WNT3A: variants seen among roughly 807,000 people sequenced by gnomAD.
WNT3A encodes Wnt family member 3A.
Under a neutral mutation model 37.0 loss-of-function variants are expected in WNT3A, and 17 were observed. That is an observed-to-expected ratio of 0.46 (90% CI 0.31 to 0.69). The LOEUF (loss-of-function observed/expected upper bound fraction) is 0.69. Among genes scored for constraint, WNT3A ranks in the 30% least tolerant of loss-of-function variants. The pLI, the probability that WNT3A is intolerant of heterozygous loss-of-function variation, is 0.05. For missense variants in WNT3A, 411 were observed against 510.2 expected, an observed-to-expected ratio of 0.81 and a Z score of 1.87; for synonymous variants, 187 against 211.0, an observed-to-expected ratio of 0.89 and a Z score of 0.99.
intron 1 of WNT3A, among the ~76,000 whole-genome samples, chr1:228,014,538 A>G (rs554477745): frequency 1.3e-5 from 2 of 152,366 alleles, no homozygotes; most frequent in South Asian, 4.1e-4. Context: ...TTGCACAGGA[A>G]CAGTGGAGGC....
rs1193177657 is a variant in WNT3A, at chr1:228,007,420, C to G, written c.71+221C>G. Among the ~76,000 whole-genome samples the G allele has an allele frequency of 6.6e-6, 1 of 152,018 alleles. No individual in the cohort carries two copies. Among genetic ancestry groups the G allele is most frequent in the East Asian group, 1.9e-4 (1 of 5,146 alleles). On this transcript the variant is annotated intron_variant, in intron 1 of 3. Coordinates refer to ENST00000284523, the MANE Select transcript of WNT3A (RefSeq NM_033131.4). The surrounding 1 kb of genome is among the most constrained non-coding windows in gnomAD (Gnocchi z 6.0). ...GTTTCCGGAGACATTGATTCCCGAG[C>G]GGGGGAGTAGGGGAGGTTGCGGAGG...
chr1:228,018,493 A>G (rs2030595393), intron 1 of WNT3A, among the ~76,000 whole-genome samples: 1 of 151,916 alleles, frequency 6.6e-6, no homozygotes, highest in African/African-American at 2.4e-5. Flanking sequence ...CCTGGGCTCA[A>G]GTGATCCTCC....
chr1:228,050,539 A>G lies in WNT3A; in HGVS notation c.314-117A>G. On this transcript the variant is annotated intron_variant, in intron 2 of 3. Transcript: ENST00000284523. The surrounding 1 kb of genome is among the most constrained non-coding windows in gnomAD (Gnocchi z 5.0). Reference sequence around the variant, plus strand: ...CCAAGTAAGCCTCTTTGCCTTATACACCACCCAACCTCACGAGTTCCTTTA... The same window carrying G: ...CCAAGTAAGCCTCTTTGCCTTATACGCCACCCAACCTCACGAGTTCCTTTA... 1 of 1,325,588 alleles carries G rather than the reference A, an allele frequency of 7.5e-7. No individual in the cohort carries two copies. Among genetic ancestry groups the G allele is most frequent in the Non-Finnish European group, 1.0e-6 (1 of 995,778 alleles). The allele number at this position is 1,325,588 out of a possible 1,614,324, so 82.1% of individuals were successfully genotyped here. A position where few individuals can be genotyped will look rare whatever the true frequency, so the allele number is the denominator to read the frequency against.
chr1:228,027,525 AG>A (rs1224134478), intron 2 of WNT3A, among the ~76,000 whole-genome samples: 1 of 152,218 alleles, frequency 6.6e-6, no homozygotes, highest in Non-Finnish European at 1.5e-5. Flanking sequence ...CCTCATGATT[AG>A]TGATGTTGAG....
intron 1 of WNT3A, among the ~76,000 whole-genome samples, chr1:228,013,593 A>G (rs2030440458): frequency 6.6e-6 from 1 of 152,072 alleles, no homozygotes; most frequent in Admixed American, 6.5e-5. Context: ...GGCAGCCTGG[A>G]CTGGGAAGGG....
chr1:228,043,924 T>G (rs1424636962), intron 2 of WNT3A, among the ~76,000 whole-genome samples: 3 of 152,148 alleles, frequency 2.0e-5, no homozygotes, highest in Non-Finnish European at 2.9e-5. Flanking sequence ...TTGGACATTC[T>G]GGGGGGTCTT....
At chr1:228,045,688 G>A (rs2031387683) in intron 2 of WNT3A, among the ~76,000 whole-genome samples, 1 of 152,208 alleles carries the variant, frequency 6.6e-6, no homozygotes, top group Admixed American at 6.5e-5. Context: ...ATGGGGTCAG[G>A]GGTGGGGGCT....
intron 2 of WNT3A, among the ~76,000 whole-genome samples, chr1:228,027,737 G>C (rs906665316): frequency 6.6e-6 from 1 of 152,164 alleles, no homozygotes; most frequent in African/African-American, 2.4e-5. Context: ...TGTTTACTCT[G>C]ATGATTATTT....
intron 2 of WNT3A, among the ~76,000 whole-genome samples, chr1:228,049,412 A>G (rs1237051616): frequency 6.6e-6 from 1 of 152,222 alleles, no homozygotes; most frequent in Non-Finnish European, 1.5e-5. Flanking sequence ...GCTGTTACAG[A>G]CTTGCCACTG....
intron 2 of WNT3A, among the ~76,000 whole-genome samples, chr1:228,024,114 AT>A (rs1295058757): frequency 7.9e-5 from 12 of 152,190 alleles, no homozygotes; most frequent in African/African-American, 2.9e-4. Flanking sequence ...TTGGACATGC[AT>A]GTGTTTGAAC....
intron 3 of WNT3A, among the ~76,000 whole-genome samples, chr1:228,052,208 A>G (rs115624511): frequency 0.025 from 3,842 of 152,310 alleles, 72 homozygotes; most frequent in Non-Finnish European, 0.042. Context: ...CAGTGGCACC[A>G]TCTCAGCTCA....
chr1:228,045,151 C>T (rs1451474632), intron 2 of WNT3A, among the ~76,000 whole-genome samples: 9 of 152,212 alleles, frequency 5.9e-5, no homozygotes, highest in Non-Finnish European at 1.3e-4. Context: ...TTTTGATAAG[C>T]AGGGATCTCG....
At chr1:228,040,985 A>AT (rs1215171655) in intron 2 of WNT3A, among the ~76,000 whole-genome samples, 10 of 146,314 alleles carry the variant, frequency 6.8e-5, no homozygotes, top group Non-Finnish European at 9.0e-5. Context: ...ATATATATAT[A>AT]TATATATATA....
chr1:228,010,710 G>A (rs1490862281), intron 1 of WNT3A, among the ~76,000 whole-genome samples: 1 of 152,268 alleles, frequency 6.6e-6, no homozygotes, highest in African/African-American at 2.4e-5. Flanking sequence ...GCGAAGTGCA[G>A]TGTGGGCTGT....
At chr1:228,009,230 G>A (rs971617326) in intron 1 of WNT3A, among the ~76,000 whole-genome samples, 1 of 152,064 alleles carries the variant, frequency 6.6e-6, no homozygotes, top group Non-Finnish European at 1.5e-5. Context: ...CCCCCTTCTT[G>A]ATCCCCTCTC....
intron 2 of WNT3A, among the ~76,000 whole-genome samples, chr1:228,025,691 T>C (rs750225019): frequency 6.6e-6 from 1 of 152,206 alleles, no homozygotes; most frequent in Non-Finnish European, 1.5e-5. Context: ...TTTCAGGGTA[T>C]GAGTTGTGTA....
intron 1 of WNT3A, among the ~76,000 whole-genome samples, chr1:228,016,448 G>T (rs1023505302): frequency 6.6e-6 from 1 of 152,094 alleles, no homozygotes; most frequent in South Asian, 2.1e-4. Context: ...AGGTGCAACT[G>T]TTAGGGCCAC....
At chr1:228,028,016 A>G (rs924765101) in intron 2 of WNT3A, among the ~76,000 whole-genome samples, 1 of 152,074 alleles carries the variant, frequency 6.6e-6, no homozygotes, top group Non-Finnish European at 1.5e-5. Context: ...CCCAGCACCA[A>G]TTATTAAGTA....
At position 228,023,823 on chromosome 1, in the gene WNT3A, G is replaced by A. The variant is rs1027169676; in HGVS notation, c.313+915G>A. On this transcript the variant is annotated intron_variant, in intron 2 of 3. Coordinates refer to ENST00000284523, the MANE Select transcript of WNT3A (RefSeq NM_033131.4). ...CTGTGCGCATTAAGCAGCCATTCCC[G>A]TTCTTCTCCCTTCCATAGCCCCTGG... Among the ~76,000 whole-genome samples the A allele has an allele frequency of 4.6e-4, 70 of 152,238 alleles. 1 individual carries two copies. The highest frequency in any genetic ancestry group is 1.4e-3 in the African/African-American group (60 of 41,532).
Sources: gnomAD v4.1 joint callset for allele counts (sites outside exome capture counted in the v4.1 genomes callset) on GRCh38, gnomAD v4.1.1 for gene constraint, Gnocchi (gnomAD v3.1) non-coding constraint, MANE v1.5 for transcripts, NCBI Gene and HGNC (gene_info 2026-07-23, HGNC 2026-07-21) for gene names.